The following ADGRF3 variants were observed in gnomAD, a reference collection of about 807,000 sequenced individuals.
The protein encoded by ADGRF3 is adhesion G protein-coupled receptor F3, also known as G protein-coupled receptor 113.
A neutral mutation model predicts 93.2 loss-of-function variants in ADGRF3; 85 were observed. The ratio of observed to expected loss-of-function variants is 0.91; its 90% CI spans 0.77 to 1.09. The LOEUF is 1.09. ADGRF3 is among the 50% of genes least tolerant of loss of function. The pLI, the probability that ADGRF3 is intolerant of heterozygous loss-of-function variation, is 0.00. For missense variants in ADGRF3, 1,125 were observed against 1,246.2 expected, an observed-to-expected ratio of 0.90 and a Z score of 1.46; for synonymous variants, 534 against 532.5, an observed-to-expected ratio of 1.00 and a Z score of -0.04.
Position 26,312,013 on chromosome 2 carries a change from G to T in ADGRF3, c.1511C>A (p.Ala504Asp). The change falls in exon 10 of 14, where the codon GCC (alanine) becomes GAC (aspartate). Residue 504 changes from alanine (A) to aspartate (D), a missense_variant. Transcript: ENST00000651242. The stretch of plus-strand genomic sequence containing the variant: ...GCCTGCCCAGGGCTTCCGGGCTTGG[G>T]CCAGGGTCCACAGAGACCTGGTGTC... ...DMDTRSLWTL[A>D]QARKPWAGST... 6.2e-7 allele frequency: 1 copy of T among 1,613,130 alleles called. No individual in the cohort carries two copies. Among genetic ancestry groups the T allele is most frequent in the East Asian group, 2.2e-5 (1 of 44,872 alleles).
rs185843477 is a variant in ADGRF3, at chr2:26,335,892, T to C, written c.114+10229A>G. Among the ~76,000 whole-genome samples, 6 of 152,046 alleles carry C rather than the reference T, an allele frequency of 3.9e-5. No individual in the cohort carries two copies. In the East Asian group the frequency reaches 1.2e-3, roughly 29 times the overall value. ...TTACTAGGTTAATAAGTAGGAAGAG[T>C]TTTATGTTAATAGCACTTGTTGCTG... On this transcript the variant is annotated intron_variant, in intron 1 of 13. Transcript: ENST00000651242.
At chr2:26,319,614 CCTTTCTTTCTT>C (rs1675023026) in intron 1 of ADGRF3, among the ~76,000 whole-genome samples, 4 of 57,188 alleles carry the variant, frequency 7.0e-5, no homozygotes, top group Admixed American at 2.0e-4. Context: ...TTCCTTCCTT[CCTTTCTTTCTT>C]TGTTTCTTTC....
At chr2:26,309,887 T>C in intron 12 of ADGRF3, 156 bp downstream of exon 12, 1 of 1,534,948 alleles carries the variant, frequency 6.5e-7, no homozygotes, top group Non-Finnish European at 8.8e-7. Context: ...CTCATTCCAC[T>C]GGTGGGGAGC....
At chr2:26,319,096 A>G in intron 1 of ADGRF3, 1 of 1,526,510 alleles carries the variant, frequency 6.6e-7, no homozygotes, top group Non-Finnish European at 8.9e-7. Context: ...AATTTCCGCA[A>G]GGAAGAGCTG....
Position 26,308,943 on chromosome 2 carries a change from C to G in ADGRF3, c.*143G>C. The G allele has an allele frequency of 2.8e-6, 3 of 1,066,916 alleles. No individual in the cohort carries two copies. Among genetic ancestry groups the G allele is most frequent in the Admixed American group, 1.9e-5 (1 of 53,370 alleles). 66.1% of individuals were successfully genotyped at this position (1,066,916 alleles called of 1,614,324 possible). A position where few individuals can be genotyped will look rare whatever the true frequency, so the allele number is the denominator to read the frequency against. On this transcript the variant is annotated 3_prime_UTR_variant, in exon 14 of 14. Coordinates refer to ENST00000651242, the MANE Select transcript of ADGRF3 (RefSeq NM_001321971.2). The stretch of plus-strand genomic sequence containing the variant: ...GGTGAGCTGTAAGATAAATGAGTGT[C>G]ACTAAGGGAAATATAAGCCTGCCTT...
chr2:26,345,140 A>G (rs2147935575), intron 1 of ADGRF3, among the ~76,000 whole-genome samples: 1 of 152,284 alleles, frequency 6.6e-6, no homozygotes, highest in East Asian at 1.9e-4. Flanking sequence ...AGGCTGCCTA[A>G]TCTGAAAAAG....
At chr2:26,328,549 G>T (rs1421530978) in intron 1 of ADGRF3, among the ~76,000 whole-genome samples, 4 of 151,528 alleles carry the variant, frequency 2.6e-5, no homozygotes, top group Non-Finnish European at 5.9e-5. Flanking sequence ...CGCCTCCCAG[G>T]TTCAAGCGAT....
At chr2:26,322,540 C>A (rs1675211003) in intron 1 of ADGRF3, among the ~76,000 whole-genome samples, 1 of 152,088 alleles carries the variant, frequency 6.6e-6, no homozygotes, top group African/African-American at 2.4e-5. Context: ...ACTTTTTAGA[C>A]TGTTCCTATG....
At chr2:26,346,010 A>C in intron 1 of ADGRF3, 111 bp downstream of exon 1, 1 of 1,160,558 alleles carries the variant, frequency 8.6e-7, no homozygotes, top group East Asian at 2.6e-5. Context: ...CGGGCTAGCA[A>C]CCCCCCCTCG....
In ADGRF3 at chr2:26,313,536, G is replaced by A; in HGVS notation, c.1110C>T (p.Leu370=). The A allele has an allele frequency of 1.2e-6, 2 of 1,610,202 alleles. No homozygotes were observed. The highest frequency in any genetic ancestry group is 1.7e-4 in the Middle Eastern group (1 of 6,054). ...DITCPEDASV[L]TWNVTKAGHV... The stretch of plus-strand genomic sequence containing the variant: ...GGCCAGCCTTGGTGACATTCCAGGT[G>A]AGCACCGAGGCGTCCTCAGGGCAGG... Residue 370 remains leucine (L), a synonymous_variant, in exon 8 of 14, where the codon CTC becomes CTT. Coordinates refer to ENST00000651242, the MANE Select transcript of ADGRF3 (RefSeq NM_001321971.2).
At position 26,311,284 on chromosome 2, in the gene ADGRF3, A is replaced by G; in HGVS notation, c.2240T>C (p.Met747Thr). The change falls in exon 10 of 14, where the codon ATG becomes ACG. Residue 747 changes from methionine to threonine, a missense_variant. Met to Thr is a moderately conservative substitution (Grantham distance 81). Coordinates refer to ENST00000651242, the MANE Select transcript of ADGRF3 (RefSeq NM_001321971.2). ...GTCTGCGGCCAGCAAGCAGAACACC[A>G]TGTTGAGCAGGGCGGCGTGGCGGAA... The part of the protein sequence containing the change: ...SYFRHAALLN[M>T]VFCLLAADTC... 1 of 1,613,832 alleles carries G rather than the reference A, an allele frequency of 6.2e-7. No individual in the cohort carries two copies.
chr2:26,322,876 A>T (rs1170492940), intron 1 of ADGRF3, among the ~76,000 whole-genome samples: 1 of 151,840 alleles, frequency 6.6e-6, no homozygotes, highest in African/African-American at 2.4e-5. Context: ...CACTCCTGTA[A>T]TCTAATCCCA....
intron 1 of ADGRF3, chr2:26,318,809 C>A (rs935370805): frequency 2.3e-6 from 3 of 1,280,366 alleles, no homozygotes; most frequent in Non-Finnish European, 3.3e-6. Context: ...TCAGAGATCT[C>A]ATAACAAAGC....
In ADGRF3 at chr2:26,315,739, G is replaced by C. The variant is rs1305447060; in HGVS notation, c.501C>G (p.Val167=). 1.9e-6 allele frequency: 3 copies of C among 1,551,210 alleles called. No homozygotes were observed. Among genetic ancestry groups the C allele is most frequent in the African/African-American group, 2.7e-5 (2 of 73,162 alleles). Residue 167 remains valine (V), a splice_region_variant and synonymous_variant, in exon 5 of 14, where the codon GTC becomes GTG. Coordinates refer to ENST00000651242, the MANE Select transcript of ADGRF3 (RefSeq NM_001321971.2). The part of the protein sequence containing the change: ...EPGYCQLLPP[V]PGILNLNSQL... ...GGGAGTTCAGGTTGAGGATCCCGGG[G>C]ACTGCAGGGAGGCAGGTGACAGGGG...
chr2:26,345,397 T>C (rs1347198300), intron 1 of ADGRF3, among the ~76,000 whole-genome samples: 2 of 152,182 alleles, frequency 1.3e-5, no homozygotes, highest in Admixed American at 6.5e-5. Context: ...TGCTTTTATC[T>C]GGTCGGGAGA....
intron 1 of ADGRF3, among the ~76,000 whole-genome samples, chr2:26,330,450 T>G (rs549312513): frequency 6.2e-4 from 95 of 152,310 alleles, no homozygotes; most frequent in Middle Eastern, 3.4e-3. Context: ...TGCTTTACCA[T>G]GCACTTACTG....
intron 1 of ADGRF3, among the ~76,000 whole-genome samples, chr2:26,321,897 AG>A (rs2147895914): frequency 1.3e-5 from 2 of 148,754 alleles, no homozygotes; most frequent in South Asian, 4.3e-4. Context: ...TGCTTGAACC[AG>A]GGAGGTGGAG....
At chr2:26,325,141 G>A (rs550481948) in intron 1 of ADGRF3, among the ~76,000 whole-genome samples, 13 of 152,188 alleles carry the variant, frequency 8.5e-5, no homozygotes, top group Non-Finnish European at 1.9e-4. Context: ...CCACATCATG[G>A]GACATGTGTA....
rs1388356718 is a variant in ADGRF3 at position 26,346,337 on chromosome 2, A to C, written c.-103T>G. 6.4e-7 allele frequency: 1 copy of C among 1,573,254 alleles called. No homozygotes were observed. The highest frequency in any genetic ancestry group is 1.8e-5 in the Admixed American group (1 of 56,682). On this transcript the variant is annotated 5_prime_UTR_variant, in exon 1 of 14. Transcript: ENST00000651242. ...CCTCTCCCTGCTCCCGGCCTCGCCCAGGCGGCTGAGGGGCCCGCGCGGCGC... is the reference window on the plus strand; with the variant it reads ...CCTCTCCCTGCTCCCGGCCTCGCCCCGGCGGCTGAGGGGCCCGCGCGGCGC...
Sources: gnomAD v4.1 joint callset for allele counts (sites outside exome capture counted in the v4.1 genomes callset) on GRCh38, gnomAD v4.1.1 for gene constraint, MANE v1.5 for transcripts, NCBI Gene and HGNC (gene_info 2026-07-23, HGNC 2026-07-21) for gene names.